The following ZMYM2 variants were observed in gnomAD, a reference collection of about 807,000 sequenced individuals.
ZMYM2 encodes the protein zinc finger MYM-type containing 2, also known as zinc finger MYM-type protein 2.
Under a neutral mutation model 162.8 loss-of-function variants are expected in ZMYM2, and 56 were observed. The ratio of observed to expected loss-of-function variants is 0.34; its 90% CI spans 0.28 to 0.43. The LOEUF (loss-of-function observed/expected upper bound fraction) is 0.43, where lower values mean the gene tolerates loss of function less well. Ranked by LOEUF, ZMYM2 falls within the 20% of genes least tolerant of loss-of-function variation. ZMYM2 has a pLI of 1.00. For missense variants in ZMYM2, 1,275 were observed against 1,621.8 expected (o/e 0.79, Z 3.67); for synonymous variants, 510 against 541.6 (o/e 0.94, Z 0.81).
chr13:19,885,979 A>ATGTGTATACACATATG, the ZMYM2 span, among the ~76,000 whole-genome samples: 4 of 34,058 alleles, frequency 1.2e-4, 2 homozygotes, highest in Non-Finnish European at 2.5e-4. Context: ...ACACATATAT[A>ATGTGTATACACATATG]TGTATATACA....
rs1955008580 is a variant in ZMYM2 at position 19,959,948 on chromosome 13, C to T, written c.-79-10C>T. ...TTTTGATACATTTTTCTTTTTTCCT[C>T]CTATCCCAGGACCAAGAATCGCCTT... On this transcript the variant is annotated splice_polypyrimidine_tract_variant and intron_variant, in intron 1 of 24. Coordinates refer to ENST00000610343, the MANE Select transcript of ZMYM2 (RefSeq NM_197968.4). 1.3e-5 allele frequency: 2 copies of T among 152,240 alleles called. No individual in the cohort carries two copies. The highest frequency in any genetic ancestry group is 1.3e-4 in the Admixed American group (2 of 15,280). The allele number at this position is 152,240 out of a possible 1,614,324, so 9.4% of individuals were successfully genotyped here. A position where few individuals can be genotyped will look rare whatever the true frequency, so the allele number is the denominator to read the frequency against.
chr13:20,069,156 T>A (rs984744403), intron 21 of ZMYM2, among the ~76,000 whole-genome samples: 3 of 152,170 alleles, frequency 2.0e-5, no homozygotes, highest in Non-Finnish European at 4.4e-5. Context: ...CTTGTTTTGT[T>A]ATTTTTTAAA....
At position 20,085,949 on chromosome 13, in the gene ZMYM2, C is replaced by T. The variant is rs769968981; in HGVS notation, c.4069C>T (p.Arg1357Trp). Residue 1357 changes from arginine (R) to tryptophan (W), a missense_variant, in exon 25 of 25, where the codon CGG becomes TGG. Physicochemically the swap from Arg to Trp is moderately radical, Grantham distance 101. This residue lies in a region of ZMYM2 where 69 missense variants were observed against 78.4 expected (regional missense o/e 0.88). Coordinates refer to ENST00000610343, the MANE Select transcript of ZMYM2 (RefSeq NM_197968.4). ...AAACACCTTGGAAAATATGCTTGTA[C>T]GGGTTCTTCTAGTAAAAGATATTTA... Reference protein sequence around the residue: ...DRNTLENMLVRVLLVKDIYDK... With the variant: ...DRNTLENMLVWVLLVKDIYDK... 31 of 1,613,576 alleles carry T rather than the reference C, an allele frequency of 1.9e-5. No individual in the cohort carries two copies. Among genetic ancestry groups the T allele is most frequent in the African/African-American group, 4.0e-5 (3 of 74,894 alleles).
At chr13:20,004,659 C>T (rs1043432520) in intron 4 of ZMYM2, among the ~76,000 whole-genome samples, 1 of 151,256 alleles carries the variant, frequency 6.6e-6, no homozygotes, top group African/African-American at 2.5e-5. Flanking sequence ...GTTCAGTTAT[C>T]CCTCTAGAAC....
chr13:19,911,793 G>A, the ZMYM2 span, among the ~76,000 whole-genome samples: 42 of 152,214 alleles, frequency 2.8e-4, no homozygotes, highest in African/African-American at 9.6e-4. Context: ...CCTGACCTGC[G>A]GAGTTAGGGC....
chr13:20,053,563 A>T (rs57573430), intron 14 of ZMYM2, among the ~76,000 whole-genome samples: 3,863 of 152,138 alleles, frequency 0.025, 161 homozygotes, highest in African/African-American at 0.089. Flanking sequence ...GAGGCAGGAG[A>T]ATCGCTTGAA....
intron 10 of ZMYM2, among the ~76,000 whole-genome samples, chr13:20,031,828 C>G (rs1246190502): frequency 6.6e-6 from 1 of 150,940 alleles, no homozygotes; most frequent in African/African-American, 2.4e-5. Flanking sequence ...AGTCATATAC[C>G]ACATTGTCAT....
At chr13:20,078,165 G>C (rs1427586640) in intron 21 of ZMYM2, among the ~76,000 whole-genome samples, 1 of 151,200 alleles carries the variant, frequency 6.6e-6, no homozygotes, top group Non-Finnish European at 1.5e-5. Context: ...TTTTTTTCTT[G>C]GGCGTAGCAT....
chr13:19,889,853 A>AT, the ZMYM2 span, among the ~76,000 whole-genome samples: 3,104 of 147,870 alleles, frequency 0.021, 120 homozygotes, highest in African/African-American at 0.067. Flanking sequence ...ACCAATAAGT[A>AT]TTTTTTTTTT....
chr13:20,019,648 C>T (rs2140163787), intron 7 of ZMYM2, 30 bp downstream of exon 7: 1 of 1,564,854 alleles, frequency 6.4e-7, no homozygotes, highest in East Asian at 2.3e-5. Flanking sequence ...GAGTTCAAGG[C>T]CTTAACATTT....
chr13:20,050,723 A>C (rs776670619), intron 12 of ZMYM2, among the ~76,000 whole-genome samples: 2 of 152,004 alleles, frequency 1.3e-5, no homozygotes, highest in African/African-American at 2.4e-5. Context: ...GATTCACCAA[A>C]ATAAAGTACA....
At chr13:19,891,305 C>T in the ZMYM2 span, among the ~76,000 whole-genome samples, 10 of 151,936 alleles carry the variant, frequency 6.6e-5, no homozygotes, top group South Asian at 6.2e-4. Flanking sequence ...CTGTAAACCA[C>T]GAAGAATGGC....
the ZMYM2 span, among the ~76,000 whole-genome samples, chr13:19,869,128 CAATT>C: frequency 2.0e-5 from 3 of 152,176 alleles, no homozygotes; most frequent in Non-Finnish European, 4.4e-5. Context: ...ACCCACAATA[CAATT>C]AATAAAAATA....
intron 2 of ZMYM2, among the ~76,000 whole-genome samples, chr13:19,972,540 C>T (rs1431478983): frequency 1.3e-5 from 2 of 151,722 alleles, no homozygotes; most frequent in East Asian, 1.9e-4. Flanking sequence ...TTTTAACTGT[C>T]GTGAAGTATT....
chr13:20,040,544 TAAAA>T lies in ZMYM2; in HGVS notation c.2292+3639_2292+3642del, dbSNP rs1043226382. On this transcript the variant is annotated intron_variant, in intron 12 of 24. Coordinates refer to ENST00000610343, the MANE Select transcript of ZMYM2 (RefSeq NM_197968.4). ...CCGCCCACCCCTGCACGCAAAAAAA[TAAAA>T]AAACACTCCTGGATTTATTGATCTA... is the stretch of plus-strand genomic sequence containing the variant. 9.9e-5 allele frequency among the ~76,000 whole-genome samples: 15 copies of T among 151,476 alleles called. 1 individual carries two copies. Among genetic ancestry groups the T allele is most frequent in the African/African-American group, 2.9e-4 (12 of 41,330 alleles).
the ZMYM2 span, among the ~76,000 whole-genome samples, chr13:19,934,662 A>T: frequency 3.3e-5 from 5 of 151,938 alleles, no homozygotes; most frequent in Non-Finnish European, 7.4e-5. Context: ...TTTACCCAAT[A>T]ATGTTTACTA....
At chr13:19,962,496 GAT>G (rs199575840) in intron 2 of ZMYM2, among the ~76,000 whole-genome samples, 6,396 of 84,820 alleles carry the variant, frequency 0.075, 1,777 homozygotes, top group South Asian at 0.14. Flanking sequence ...AATTGCATGG[GAT>G]ATATATATAT....
the ZMYM2 span, among the ~76,000 whole-genome samples, chr13:19,873,017 T>TAAAA: frequency 6.6e-6 from 1 of 151,904 alleles, no homozygotes; most frequent in East Asian, 1.9e-4. Flanking sequence ...AATAAATAAA[T>TAAAA]AAAATCCCTT....
chr13:20,053,632 A>G (rs1347353639), intron 14 of ZMYM2, among the ~76,000 whole-genome samples: 1 of 152,194 alleles, frequency 6.6e-6, no homozygotes, highest in Non-Finnish European at 1.5e-5. Context: ...AGCCTGGGTA[A>G]TAAGAGTGAA....
Sources: allele counts gnomAD v4.1 joint callset (sites outside exome capture counted in the v4.1 genomes callset), GRCh38; gene constraint gnomAD v4.1.1; regional missense constraint gnomAD v4.1.1; transcripts MANE v1.5; gene names NCBI Gene and HGNC (gene_info 2026-07-23, HGNC 2026-07-21).